KLHL32: variants seen among roughly 807,000 people sequenced by gnomAD.
KLHL32 encodes the protein kelch-like protein 32.
A neutral mutation model predicts 64.8 loss-of-function variants in KLHL32; 35 were observed. That is an observed-to-expected ratio of 0.54 (90% CI 0.41 to 0.72). The LOEUF is 0.72. Among genes scored for constraint, KLHL32 ranks in the 30% least tolerant of loss-of-function variants. The pLI is 0.00. For synonymous variants in KLHL32, 259 were observed against 281.0 expected (o/e 0.92, Z 0.78); for missense variants, 589 against 768.5 (o/e 0.77, Z 2.76).
At chr6:96,999,393 C>G in intron 3 of KLHL32, 1 of 272,306 alleles carries the variant, frequency 3.7e-6, no homozygotes, top group Non-Finnish European at 5.6e-6. Context: ...AAGACTCTGT[C>G]TCAACAACAA....
chr6:96,989,858 C>T (rs1158231245), intron 3 of KLHL32, among the ~76,000 whole-genome samples: 1 of 152,122 alleles, frequency 6.6e-6, no homozygotes, highest in African/African-American at 2.4e-5. Flanking sequence ...GAGATTCTCT[C>T]CTCAGCTTGG....
chr6:97,025,682 A>T (rs987137447), intron 3 of KLHL32, among the ~76,000 whole-genome samples: 1 of 152,154 alleles, frequency 6.6e-6, no homozygotes, highest in Non-Finnish European at 1.5e-5. Flanking sequence ...CTTGAGAGGG[A>T]GGCACCTGAG....
intron 1 of KLHL32, among the ~76,000 whole-genome samples, chr6:96,956,839 G>C (rs549454428): frequency 1.3e-5 from 2 of 152,286 alleles, no homozygotes; most frequent in South Asian, 4.1e-4. Flanking sequence ...TGTTTCCCCA[G>C]TTCTAATGTT....
intron 6 of KLHL32, among the ~76,000 whole-genome samples, chr6:97,087,826 A>G (rs1793655948): frequency 6.6e-6 from 1 of 152,198 alleles, no homozygotes; most frequent in African/African-American, 2.4e-5. Context: ...GACCTGTCAT[A>G]AGAACCTTCA....
intron 3 of KLHL32, among the ~76,000 whole-genome samples, chr6:96,992,564 T>C (rs980763117): frequency 6.6e-6 from 1 of 152,172 alleles, no homozygotes; most frequent in Non-Finnish European, 1.5e-5. Flanking sequence ...ATTTCGCACA[T>C]TTGTGTATGT....
chr6:97,051,955 T>C (rs1043952781), intron 4 of KLHL32, among the ~76,000 whole-genome samples: 4 of 152,186 alleles, frequency 2.6e-5, no homozygotes, highest in African/African-American at 4.8e-5. Flanking sequence ...CCAGAAGATA[T>C]GCAGTCTATT....
chr6:97,100,919 C>G (rs1349003560), intron 6 of KLHL32, among the ~76,000 whole-genome samples: 1 of 147,560 alleles, frequency 6.8e-6, no homozygotes, highest in African/African-American at 2.5e-5. Flanking sequence ...CCCTCCACCT[C>G]AGACTCCCAA....
intron 3 of KLHL32, among the ~76,000 whole-genome samples, chr6:97,004,368 CT>C (rs1018547683): frequency 2.6e-5 from 4 of 152,118 alleles, no homozygotes; most frequent in African/African-American, 9.7e-5. Flanking sequence ...GATGTCAGAA[CT>C]TTTGGGCAGA....
intron 3 of KLHL32, among the ~76,000 whole-genome samples, chr6:96,979,173 T>C (rs1185576435): frequency 6.6e-6 from 1 of 152,212 alleles, no homozygotes; most frequent in East Asian, 1.9e-4. Flanking sequence ...TTTTTGGTTT[T>C]GTTGGAATTG....
chr6:96,901,867 A>C, the KLHL32 span, among the ~76,000 whole-genome samples: 1 of 152,208 alleles, frequency 6.6e-6, no homozygotes, highest in Non-Finnish European at 1.5e-5. Flanking sequence ...TAGTTTGCTA[A>C]AGATAATGGC....
At chr6:97,036,769 C>T (rs1411186552) in intron 3 of KLHL32, among the ~76,000 whole-genome samples, 1 of 152,156 alleles carries the variant, frequency 6.6e-6, no homozygotes, top group African/African-American at 2.4e-5. Context: ...CATGTGAAGC[C>T]GTACCGGGTG....
intron 7 of KLHL32, among the ~76,000 whole-genome samples, chr6:97,122,641 G>T (rs1005337904): frequency 1.3e-5 from 2 of 152,258 alleles, no homozygotes; most frequent in Admixed American, 1.3e-4. Context: ...AAGAACTGGA[G>T]AAAGTTTATG....
At chr6:96,990,307 A>G (rs1049909751) in intron 3 of KLHL32, among the ~76,000 whole-genome samples, 6 of 151,354 alleles carry the variant, frequency 4.0e-5, no homozygotes, top group South Asian at 2.1e-4. Context: ...CAGGATCTTT[A>G]TTTGCAGCTG....
intron 1 of KLHL32, 107 bp downstream of exon 1, chr6:96,925,133 C>A (rs983622324): frequency 6.6e-6 from 1 of 152,362 alleles, no homozygotes; most frequent in Non-Finnish European, 1.5e-5. Context: ...ATTTCAGGGG[C>A]TTGCAGCCCA....
At chr6:97,057,906 G>A (rs1788272530) in intron 4 of KLHL32, among the ~76,000 whole-genome samples, 1 of 152,100 alleles carries the variant, frequency 6.6e-6, no homozygotes. Flanking sequence ...TCCGTTTTGA[G>A]TTTATTTTTG....
intron 1 of KLHL32, among the ~76,000 whole-genome samples, chr6:96,929,358 T>G (rs552087030): frequency 6.6e-6 from 1 of 152,374 alleles, no homozygotes; most frequent in South Asian, 2.1e-4. Context: ...CCCATCTTTC[T>G]TAATAAGCAA....
chr6:97,011,820 C>G (rs904860234), intron 3 of KLHL32, among the ~76,000 whole-genome samples: 6 of 152,152 alleles, frequency 3.9e-5, no homozygotes, highest in African/African-American at 1.4e-4. Context: ...GATTGTTATT[C>G]AAGCTGCAAA....
At chr6:97,136,244 C>G (rs1799998373) in intron 10 of KLHL32, among the ~76,000 whole-genome samples, 1 of 152,032 alleles carries the variant, frequency 6.6e-6, no homozygotes. Flanking sequence ...CTTAACTGTC[C>G]CTTCTGGACC....
chr6:97,114,975 C>T (rs1238790639), intron 7 of KLHL32, among the ~76,000 whole-genome samples: 2 of 152,196 alleles, frequency 1.3e-5, no homozygotes, highest in Admixed American at 6.5e-5. Context: ...AATCACTATG[C>T]TGTGCATTGA....
Sources: allele counts gnomAD v4.1 joint callset (sites outside exome capture counted in the v4.1 genomes callset), GRCh38; gene constraint gnomAD v4.1.1; transcripts MANE v1.5; gene names NCBI Gene and HGNC (gene_info 2026-07-23, HGNC 2026-07-21).